MGA: variants seen among roughly 807,000 people sequenced by gnomAD.
MGA encodes MAX dimerization protein MGA.
A neutral mutation model predicts 261.1 loss-of-function variants in MGA; 40 were observed. The observed-to-expected ratio is 0.15, with a 90% CI of 0.12 to 0.20. The LOEUF (loss-of-function observed/expected upper bound fraction) is 0.20. MGA is among the 10% of genes least tolerant of loss of function. MGA has a pLI of 1.00. For missense variants in MGA, 3,397 were observed against 3,630.5 expected, an observed-to-expected ratio of 0.94 and a Z score of 1.65; for synonymous variants, 1,302 against 1,290.6, an observed-to-expected ratio of 1.01 and a Z score of -0.19.
chr15:41,757,697 T>G, intron 18 of MGA, 91 bp from the exon 19 acceptor site: 1 of 955,188 alleles, frequency 1.0e-6, no homozygotes, highest in Non-Finnish European at 1.6e-6. Context: ...AAGAAACTGG[T>G]TGTAATTTGG....
intron 1 of MGA, among the ~76,000 whole-genome samples, chr15:41,666,003 C>T (rs1031863095): frequency 1.3e-5 from 2 of 151,436 alleles, no homozygotes; most frequent in African/African-American, 4.8e-5. Flanking sequence ...GCAACCTGAA[C>T]TTCCAGGGCT....
chr15:41,636,375 C>T (rs2056706566), intron 1 of MGA, among the ~76,000 whole-genome samples: 1 of 151,956 alleles, frequency 6.6e-6, no homozygotes, highest in African/African-American at 2.4e-5. Context: ...TCACTGCAAC[C>T]CCCGCCCCCC....
chr15:41,670,434 G>T (rs191708564), intron 2 of MGA, among the ~76,000 whole-genome samples: 5 of 152,308 alleles, frequency 3.3e-5, no homozygotes, highest in Admixed American at 3.3e-4. Flanking sequence ...CCAGGGGGTA[G>T]AGAGAGACTG....
intron 12 of MGA, among the ~76,000 whole-genome samples, chr15:41,734,831 C>A (rs938282037): frequency 1.3e-5 from 2 of 151,280 alleles, no homozygotes; most frequent in African/African-American, 4.8e-5. Context: ...CATGTTGTTG[C>A]AAGAGACATT....
At chr15:41,699,705 TTAGCCAGGATGGTCTTGATC>T (rs1356030373) in intron 5 of MGA, among the ~76,000 whole-genome samples, 2 of 152,196 alleles carry the variant, frequency 1.3e-5, no homozygotes, top group Non-Finnish European at 2.9e-5. Context: ...TTTCACCGTG[TTAGCCAGGATGGTCTTGATC>T]TCCTGACCTT....
intron 1 of MGA, among the ~76,000 whole-genome samples, chr15:41,640,438 T>C (rs898995604): frequency 6.6e-6 from 1 of 152,210 alleles, no homozygotes; most frequent in Non-Finnish European, 1.5e-5. Flanking sequence ...CGATACAGTT[T>C]CTTATCGTTG....
chr15:41,705,822 G>A (rs1051541456), intron 5 of MGA, among the ~76,000 whole-genome samples: 8 of 152,174 alleles, frequency 5.3e-5, no homozygotes, highest in Admixed American at 2.0e-4. Flanking sequence ...AGTAGTAAAG[G>A]CAAGATTAGA....
In MGA at chr15:41,713,612, ACTT is replaced by A. The variant is rs1208189985; in HGVS notation, c.3430+120_3430+122del. 85 of 1,227,518 alleles carry A rather than the reference ACTT, an allele frequency of 6.9e-5. No homozygotes were observed. In the East Asian group the frequency reaches 1.2e-3, roughly 17 times the overall value. The allele number at this position is 1,227,518 out of a possible 1,614,324, so 76.0% of individuals were successfully genotyped here. On this transcript the variant is annotated intron_variant, in intron 9 of 23. Coordinates refer to ENST00000219905, the MANE Select transcript of MGA (RefSeq NM_001164273.2). ...TCAATTATCCAATAAGAGCTTTGAG[ACTT>A]CTTATTATCCTTACATGCTCTTTCT...
At chr15:41,690,417 G>GT (rs2059213935) in intron 2 of MGA, among the ~76,000 whole-genome samples, 1 of 152,284 alleles carries the variant, frequency 6.6e-6, no homozygotes, top group South Asian at 2.1e-4. Context: ...CGTGAACACA[G>GT]TTTTTTGGTG....
intron 9 of MGA, 139 bp downstream of exon 9, chr15:41,713,635 C>CT (rs2060488627): frequency 1.9e-6 from 2 of 1,044,652 alleles, no homozygotes; most frequent in Non-Finnish European, 2.7e-6. Flanking sequence ...CTTACATGCT[C>CT]TTTCTGACTG....
intron 9 of MGA, among the ~76,000 whole-genome samples, chr15:41,714,995 A>G (rs1056538333): frequency 2.0e-5 from 3 of 151,818 alleles, no homozygotes; most frequent in African/African-American, 7.3e-5. Context: ...TTTAGTTTGC[A>G]GAAGCTTTAT....
intron 9 of MGA, among the ~76,000 whole-genome samples, chr15:41,717,712 C>T (rs1257169075): frequency 6.6e-6 from 1 of 152,152 alleles, no homozygotes; most frequent in Non-Finnish European, 1.5e-5. Context: ...CCATTTGATA[C>T]AGTCTTCCAT....
At chr15:41,695,672 T>C (rs1320248848) in intron 2 of MGA, among the ~76,000 whole-genome samples, 1 of 152,238 alleles carries the variant, frequency 6.6e-6, no homozygotes, top group Admixed American at 6.5e-5. Context: ...TAGTGGTGAA[T>C]TCTTTATATT....
intron 1 of MGA, among the ~76,000 whole-genome samples, chr15:41,644,235 T>C (rs1228680275): frequency 1.3e-5 from 2 of 149,858 alleles, no homozygotes; most frequent in African/African-American, 2.5e-5. Flanking sequence ...GTACAGTGAG[T>C]GGATGGATCA....
intron 20 of MGA, 35 bp from the exon 21 acceptor site, chr15:41,761,704 A>G (rs1199045869): frequency 8.1e-6 from 11 of 1,360,528 alleles, no homozygotes; most frequent in African/African-American, 1.4e-5. Context: ...GAAAGAGTGG[A>G]TCAATTTTCA....
At chr15:41,648,037 C>A (rs2056969491) in intron 1 of MGA, among the ~76,000 whole-genome samples, 1 of 152,138 alleles carries the variant, frequency 6.6e-6, no homozygotes, top group Admixed American at 6.6e-5. Flanking sequence ...TTGCCTCTAA[C>A]CCATTTTATT....
At chr15:41,665,478 C>T (rs1164909187) in intron 1 of MGA, among the ~76,000 whole-genome samples, 1 of 151,840 alleles carries the variant, frequency 6.6e-6, no homozygotes, top group Non-Finnish European at 1.5e-5. Context: ...CCTTGGCCTC[C>T]CCACCCCCAG....
At chr15:41,684,396 A>G (rs2058836504) in intron 2 of MGA, 1 of 453,570 alleles carries the variant, frequency 2.2e-6, no homozygotes, top group Non-Finnish European at 4.4e-6. Context: ...TTGCCTAGGT[A>G]TTCTTTTGCC....
Position 41,707,757 on chromosome 15 carries a change from A to T in MGA, c.2218A>T (p.Thr740Ser), listed in dbSNP as rs780781803. ...CTTAAAATTGAATTCAGTGGATCCA[A>T]CAATGAGCATTGATCTTAAATACTT... Residue 740 changes from threonine to serine, a missense_variant, in exon 6 of 24, where the codon ACA (threonine) becomes TCA (serine). Thr to Ser is a moderately conservative substitution (Grantham distance 58). This residue lies in a region of MGA where 19 missense variants were observed against 44.7 expected (regional missense o/e 0.43). Transcript: ENST00000219905. 1 of 1,611,682 alleles carries T rather than the reference A, an allele frequency of 6.2e-7. No homozygotes were observed. Among genetic ancestry groups the T allele is most frequent in the Admixed American group, 1.7e-5 (1 of 59,550 alleles).
Sources: allele counts gnomAD v4.1 joint callset (sites outside exome capture counted in the v4.1 genomes callset), GRCh38; gene constraint gnomAD v4.1.1; regional missense constraint gnomAD v4.1.1; transcripts MANE v1.5; gene names NCBI Gene and HGNC (gene_info 2026-07-23, HGNC 2026-07-21).